Variants in FBXL7 observed in about 807,000 individuals in gnomAD.
FBXL7 encodes F-box and leucine rich repeat protein 7, also known as F-box/LRR-repeat protein 7.
A neutral mutation model predicts 38.3 loss-of-function variants in FBXL7; 12 were observed. The observed-to-expected ratio is 0.31, with a 90% CI of 0.20 to 0.51. FBXL7 has a LOEUF of 0.51. Among genes scored for constraint, FBXL7 ranks in the 20% least tolerant of loss-of-function variants. The pLI, the probability that FBXL7 is intolerant of heterozygous loss-of-function variation, is 0.98. For missense variants in FBXL7, 567 were observed against 676.4 expected (o/e 0.84, Z 1.79); for synonymous variants, 297 against 300.9 (o/e 0.99, Z 0.13).
chr5:15,553,060 G>A (rs1418592103), intron 1 of FBXL7, among the ~76,000 whole-genome samples: 2 of 144,614 alleles, frequency 1.4e-5, no homozygotes, highest in African/African-American at 2.6e-5. Flanking sequence ...CCAGCCTGGC[G>A]ACAGAGTAAG....
intron 1 of FBXL7, among the ~76,000 whole-genome samples, chr5:15,506,337 T>G (rs1736650505): frequency 6.6e-6 from 1 of 152,078 alleles, no homozygotes; most frequent in Non-Finnish European, 1.5e-5. Context: ...AGTGTGGAGT[T>G]GCTGGACCTC....
At chr5:15,734,040 G>A (rs889641920) in intron 2 of FBXL7, among the ~76,000 whole-genome samples, 11 of 152,074 alleles carry the variant, frequency 7.2e-5, no homozygotes, top group African/African-American at 2.2e-4. Flanking sequence ...CCGGGACCCG[G>A]GAGATGGAGG....
intron 1 of FBXL7, among the ~76,000 whole-genome samples, chr5:15,595,752 G>T (rs915534218): frequency 6.6e-6 from 1 of 152,166 alleles, no homozygotes; most frequent in Non-Finnish European, 1.5e-5. Flanking sequence ...AAATCGAAGT[G>T]CATTGACTCC....
chr5:15,873,630 A>G (rs563275474), intron 2 of FBXL7, among the ~76,000 whole-genome samples: 18 of 152,334 alleles, frequency 1.2e-4, no homozygotes, highest in Non-Finnish European at 5.9e-5. Flanking sequence ...AGAGAATACC[A>G]TAAACACCTC....
intron 2 of FBXL7, among the ~76,000 whole-genome samples, chr5:15,761,585 C>G (rs1254661027): frequency 6.6e-6 from 1 of 152,120 alleles, no homozygotes. Context: ...CTCCGGTTGT[C>G]CAGGTTAGAG....
chr5:15,880,051 A>C (rs1031562036), intron 2 of FBXL7, among the ~76,000 whole-genome samples: 1 of 152,202 alleles, frequency 6.6e-6, no homozygotes, highest in Non-Finnish European at 1.5e-5. Flanking sequence ...CCTTGAGGAC[A>C]GCAGACCACA....
chr5:15,623,587 G>A (rs10520819), intron 2 of FBXL7, among the ~76,000 whole-genome samples: 17,654 of 152,074 alleles, frequency 0.12, 1,300 homozygotes, highest in African/African-American at 0.21. Flanking sequence ...CTTTGCTTTC[G>A]TTCTGTTGTC....
intron 2 of FBXL7, among the ~76,000 whole-genome samples, chr5:15,642,700 T>A (rs375923204): frequency 7.9e-5 from 12 of 152,236 alleles, no homozygotes; most frequent in Admixed American, 5.9e-4. Flanking sequence ...CAGACCTAGA[T>A]AGGAGACAGA....
At chr5:15,510,696 C>G (rs979936750) in intron 1 of FBXL7, among the ~76,000 whole-genome samples, 3 of 152,142 alleles carry the variant, frequency 2.0e-5, no homozygotes, top group Non-Finnish European at 2.9e-5. Flanking sequence ...CAAAAGAAAA[C>G]TTAGGGGACA....
At chr5:15,864,655 C>T (rs968029545) in intron 2 of FBXL7, among the ~76,000 whole-genome samples, 4 of 152,250 alleles carry the variant, frequency 2.6e-5, no homozygotes, top group East Asian at 1.9e-4. Context: ...TCGCTTAACA[C>T]AAGTGTCACA....
At chr5:15,877,822 T>C (rs1210209477) in intron 2 of FBXL7, among the ~76,000 whole-genome samples, 1 of 152,204 alleles carries the variant, frequency 6.6e-6, no homozygotes, top group Non-Finnish European at 1.5e-5. Context: ...TTTTTAATAT[T>C]CCCGCTAAAG....
chr5:15,741,986 A>T (rs1252282944), intron 2 of FBXL7, among the ~76,000 whole-genome samples: 1 of 152,198 alleles, frequency 6.6e-6, no homozygotes, highest in African/African-American at 2.4e-5. Flanking sequence ...CTGAGGCAGA[A>T]TGAGCTATGT....
chr5:15,546,828 T>G (rs1277715206), intron 1 of FBXL7, among the ~76,000 whole-genome samples: 2 of 152,184 alleles, frequency 1.3e-5, no homozygotes, highest in African/African-American at 4.8e-5. Context: ...TAGATACATA[T>G]GCAGACAAGA....
chr5:15,794,384 A>G (rs1737359975), intron 2 of FBXL7, among the ~76,000 whole-genome samples: 1 of 152,234 alleles, frequency 6.6e-6, no homozygotes, highest in Non-Finnish European at 1.5e-5. Flanking sequence ...CAACAATGTT[A>G]AAGAAATAAA....
intron 2 of FBXL7, among the ~76,000 whole-genome samples, chr5:15,768,624 A>T (rs1056105884): frequency 5.3e-5 from 8 of 152,136 alleles, no homozygotes; most frequent in Non-Finnish European, 1.2e-4. Context: ...TGGAAAGAAA[A>T]GGTTATTGAA....
chr5:15,836,720 C>T (rs1298442266), intron 2 of FBXL7, among the ~76,000 whole-genome samples: 1 of 151,878 alleles, frequency 6.6e-6, no homozygotes, highest in Non-Finnish European at 1.5e-5. Flanking sequence ...TGCAGTATGC[C>T]CCATTTAGTC....
intron 1 of FBXL7, among the ~76,000 whole-genome samples, chr5:15,584,706 G>A (rs1400088588): frequency 1.3e-5 from 2 of 152,090 alleles, no homozygotes; most frequent in Non-Finnish European, 2.9e-5. Flanking sequence ...ACATTTTCAG[G>A]TTACCTTTAT....
intron 2 of FBXL7, among the ~76,000 whole-genome samples, chr5:15,817,505 A>G (rs959870911): frequency 6.6e-6 from 1 of 152,120 alleles, no homozygotes; most frequent in Non-Finnish European, 1.5e-5. Flanking sequence ...ATAAGGGCTG[A>G]TATGGTTTGG....
In FBXL7 at chr5:15,878,397, G is replaced by A. The variant is rs73062172; in HGVS notation, c.128-49493G>A. On this transcript the variant is annotated intron_variant, in intron 2 of 3. Transcript: ENST00000504595. ...GCTGTTAACCAAATACCCACTGATG[G>A]CTTCTTTCCCCCCAAGTCTCTCTCC... Among the ~76,000 whole-genome samples, 769 of 152,168 alleles carry A rather than the reference G, an allele frequency of 5.1e-3. 11 individuals carry two copies. Among genetic ancestry groups the A allele is most frequent in the African/African-American group, 0.018 (729 of 41,512 alleles).
Sources: gnomAD v4.1 joint callset for allele counts (sites outside exome capture counted in the v4.1 genomes callset) on GRCh38, gnomAD v4.1.1 for gene constraint, MANE v1.5 for transcripts, NCBI Gene and HGNC (gene_info 2026-07-23, HGNC 2026-07-21) for gene names.